The following CACNA2D1 variants were observed in gnomAD, a reference collection of about 807,000 sequenced individuals.
CACNA2D1 encodes the protein voltage-dependent calcium channel subunit alpha-2/delta-1.
Under a neutral mutation model 171.5 loss-of-function variants are expected in CACNA2D1, and 53 were observed. The ratio of observed to expected loss-of-function variants is 0.31; its 90% confidence interval spans 0.25 to 0.39. The LOEUF (loss-of-function observed/expected upper bound fraction) is 0.39, where lower values mean the gene tolerates loss of function less well. CACNA2D1 is among the 10% of genes least tolerant of loss of function. CACNA2D1 has a pLI of 1.00. For missense variants in CACNA2D1, 903 were observed against 1,299.8 expected (o/e 0.69, Z 4.69); for synonymous variants, 442 against 443.1 (o/e 1.00, Z 0.03).
intron 3 of CACNA2D1, among the ~76,000 whole-genome samples, chr7:82,328,322 T>C (rs999301336): frequency 3.3e-5 from 5 of 152,128 alleles, no homozygotes; most frequent in Non-Finnish European, 7.4e-5. Context: ...AATTCATATG[T>C]AGCTTGGGCC....
At chr7:82,327,294 G>A (rs1048722839) in intron 3 of CACNA2D1, among the ~76,000 whole-genome samples, 1 of 152,226 alleles carries the variant, frequency 6.6e-6, no homozygotes, top group Non-Finnish European at 1.5e-5. Flanking sequence ...AGGTTGCCCA[G>A]TGAGATAGAC....
At chr7:82,370,800 T>G (rs1822316810) in intron 1 of CACNA2D1, among the ~76,000 whole-genome samples, 1 of 152,142 alleles carries the variant, frequency 6.6e-6, no homozygotes, top group South Asian at 2.1e-4. Context: ...TATTACCATC[T>G]ATGGGAACTC....
chr7:82,117,735 C>G (rs528908078), intron 5 of CACNA2D1, among the ~76,000 whole-genome samples: 2 of 152,270 alleles, frequency 1.3e-5, no homozygotes, highest in Non-Finnish European at 2.9e-5. Flanking sequence ...GAGCCATGAT[C>G]ACATCACCAC....
intron 4 of CACNA2D1, among the ~76,000 whole-genome samples, chr7:82,150,540 G>A (rs3801744): frequency 0.43 from 65,476 of 151,646 alleles, 15,908 homozygotes; most frequent in African/African-American, 0.68. Flanking sequence ...AAGTTAAGGT[G>A]TATTCATTTA....
intron 1 of CACNA2D1, among the ~76,000 whole-genome samples, chr7:82,434,574 T>G (rs986034454): frequency 6.6e-6 from 1 of 152,186 alleles, no homozygotes; most frequent in Non-Finnish European, 1.5e-5. Flanking sequence ...CCTCTATGTG[T>G]CCACGTGTTC....
At chr7:82,265,791 A>ATCAT (rs1381843417) in intron 3 of CACNA2D1, among the ~76,000 whole-genome samples, 6 of 152,226 alleles carry the variant, frequency 3.9e-5, no homozygotes, top group Admixed American at 6.5e-5. Context: ...TGACTTTTCA[A>ATCAT]TCATTGCCCT....
intron 6 of CACNA2D1, among the ~76,000 whole-genome samples, chr7:82,102,446 T>C (rs1812788121): frequency 6.6e-6 from 1 of 151,896 alleles, no homozygotes; most frequent in Non-Finnish European, 1.5e-5. Flanking sequence ...GTTGTGTGTA[T>C]TTGAGATATA....
intron 6 of CACNA2D1, among the ~76,000 whole-genome samples, chr7:82,103,223 G>C (rs1001706815): frequency 6.6e-6 from 1 of 152,078 alleles, no homozygotes; most frequent in Non-Finnish European, 1.5e-5. Flanking sequence ...GAAGAGAATC[G>C]CGTGAACCAG....
At chr7:81,998,253 A>T (rs1317781248) in intron 18 of CACNA2D1, among the ~76,000 whole-genome samples, 1 of 151,998 alleles carries the variant, frequency 6.6e-6, no homozygotes, top group African/African-American at 2.4e-5. Context: ...TAGAAACTGA[A>T]TTTTTAATTT....
intron 6 of CACNA2D1, among the ~76,000 whole-genome samples, chr7:82,090,018 T>TA (rs1225077884): frequency 6.6e-6 from 1 of 152,192 alleles, no homozygotes; most frequent in Non-Finnish European, 1.5e-5. Flanking sequence ...TAAAATAGTA[T>TA]AAAGTATGAA....
intron 25 of CACNA2D1, among the ~76,000 whole-genome samples, chr7:81,973,528 TAGAA>T (rs1162483968): frequency 2.6e-5 from 4 of 151,280 alleles, no homozygotes; most frequent in African/African-American, 9.7e-5. Context: ...CCCTTCCTAA[TAGAA>T]AGATAAATAA....
At position 82,196,351 on chromosome 7, in the gene CACNA2D1, G is replaced by T. The variant is rs186752340; in HGVS notation, c.295-25742C>A. ...TATGAGGTTTGGATTTTGTCATAAAGACAATGCTAGAAGAATTCTATGGGG... is the reference window on the plus strand; with the variant it reads ...TATGAGGTTTGGATTTTGTCATAAATACAATGCTAGAAGAATTCTATGGGG... On this transcript the variant is annotated intron_variant, in intron 3 of 38. Transcript: ENST00000356860. 1.4e-3 allele frequency among the ~76,000 whole-genome samples: 208 copies of T among 152,118 alleles called. 2 individuals carry two copies. The highest frequency in any genetic ancestry group is 4.8e-3 in the African/African-American group (200 of 41,556).
In CACNA2D1 at chr7:82,084,775, A is replaced by G; in HGVS notation, c.652T>C (p.Tyr218His). ...FGSATGLARYYPASPWVDNSR... is the reference protein window; with the variant it reads ...FGSATGLARYHPASPWVDNSR... ...TGAATCACTAAGCACCTACCTGGAT[A>G]ATATCGAGCTAGGCCAGTGGCACTG... The change falls in exon 7 of 39, where the codon TAT becomes CAT. Residue 218 changes from tyrosine to histidine, a missense_variant. Coordinates refer to ENST00000356860, the MANE Select transcript of CACNA2D1 (RefSeq NM_000722.4). The G allele has an allele frequency of 6.2e-7, 1 of 1,614,060 alleles. No homozygotes were observed. The highest frequency in any genetic ancestry group is 8.5e-7 in the Non-Finnish European group (1 of 1,179,894).
intron 13 of CACNA2D1, 114 bp from the exon 14 acceptor site, chr7:82,013,624 A>C: frequency 3.0e-6 from 1 of 329,956 alleles, no homozygotes; most frequent in Non-Finnish European, 5.0e-6. Flanking sequence ...AATATATTTC[A>C]CTTCAAAACT....
At chr7:82,393,939 A>G (rs1263918820) in intron 1 of CACNA2D1, among the ~76,000 whole-genome samples, 1 of 152,184 alleles carries the variant, frequency 6.6e-6, no homozygotes, top group Non-Finnish European at 1.5e-5. Context: ...CCTTTGTTGA[A>G]ATGAGAATTA....
chr7:82,050,657 G>A (rs1240755879), intron 10 of CACNA2D1: 2 of 702,328 alleles, frequency 2.8e-6, no homozygotes, highest in Non-Finnish European at 5.2e-6. Context: ...TGAATAAATT[G>A]GCTGTTAATG....
intron 4 of CACNA2D1, among the ~76,000 whole-genome samples, chr7:82,167,188 A>C (rs1795541789): frequency 6.6e-6 from 1 of 152,126 alleles, no homozygotes; most frequent in Admixed American, 6.6e-5. Context: ...TAAAAGATAA[A>C]AGAATTATAA....
intron 4 of CACNA2D1, among the ~76,000 whole-genome samples, chr7:82,165,523 T>C (rs556675006): frequency 2.0e-5 from 3 of 152,052 alleles, no homozygotes; most frequent in Non-Finnish European, 4.4e-5. Flanking sequence ...CCAGCATAAC[T>C]AACAATTTAA....
intron 7 of CACNA2D1, among the ~76,000 whole-genome samples, chr7:82,080,010 ATTAT>A (rs1194605051): frequency 7.0e-6 from 1 of 142,786 alleles, no homozygotes; most frequent in African/African-American, 3.0e-5. Context: ...TTTATTTTTA[ATTAT>A]TATGGGTACA....
Sources: gnomAD v4.1 joint callset for allele counts (sites outside exome capture counted in the v4.1 genomes callset) on GRCh38, gnomAD v4.1.1 for gene constraint, MANE v1.5 for transcripts, NCBI Gene and HGNC (gene_info 2026-07-23, HGNC 2026-07-21) for gene names.